NCMAP: variants seen among roughly 807,000 people sequenced by gnomAD.
NCMAP encodes the protein non-compact myelin associated protein.
In NCMAP, 8 loss-of-function variants were observed where a neutral mutation model predicts 7.8. That is an observed-to-expected ratio of 1.02 (90% CI 0.60 to 1.84). NCMAP has a LOEUF of 1.84. Among genes scored for constraint, NCMAP ranks in the 40% most tolerant of loss-of-function variants. The pLI, the probability that NCMAP is intolerant of heterozygous loss-of-function variation, is 0.00. For synonymous variants in NCMAP, 41 were observed against 52.9 expected (o/e 0.78, Z 0.98); for missense variants, 112 against 131.4 (o/e 0.85, Z 0.72).
chr1:24,603,210 A>AT (rs55950272), intron 3 of NCMAP, among the ~76,000 whole-genome samples: 5,331 of 152,110 alleles, frequency 0.035, 146 homozygotes, highest in Middle Eastern at 0.11. Flanking sequence ...ATTATCCTCA[A>AT]TTTTGTAGGT....
chr1:24,563,260 G>A lies in NCMAP; in HGVS notation c.-8+7091G>A, dbSNP rs568543808. Among the ~76,000 whole-genome samples the A allele has an allele frequency of 1.9e-4, 28 of 151,060 alleles. No individual in the cohort carries two copies. In the South Asian group the frequency reaches 4.8e-3, roughly 26 times the overall value. On this transcript the variant is annotated intron_variant, in intron 1 of 3. Transcript: ENST00000374392. ...GACTTGGCCGGGCAAGGTGGCTTGC[G>A]CCTGTAATCCCAGCAATTTGGGAGG... is the stretch of plus-strand genomic sequence containing the variant.
intron 1 of NCMAP, among the ~76,000 whole-genome samples, chr1:24,558,006 C>G (rs915444499): frequency 6.6e-6 from 1 of 152,174 alleles, no homozygotes; most frequent in African/African-American, 2.4e-5. Context: ...GGAGCTGTGT[C>G]CTTGAGGTAG....
chr1:24,605,509 C>T (rs1398457565), intron 3 of NCMAP, 97 bp from the exon 4 acceptor site: 7 of 1,363,826 alleles, frequency 5.1e-6, no homozygotes, highest in Non-Finnish European at 7.1e-6. Flanking sequence ...CTACATTAAT[C>T]TACATTAATC....
At chr1:24,565,236 A>G (rs1218995303) in intron 1 of NCMAP, among the ~76,000 whole-genome samples, 1 of 151,568 alleles carries the variant, frequency 6.6e-6, no homozygotes, top group African/African-American at 2.4e-5. Flanking sequence ...TGCCATAACC[A>G]GGAAAGTGGA....
chr1:24,588,002 AAGAG>A (rs1276814962), intron 1 of NCMAP, among the ~76,000 whole-genome samples: 1 of 152,052 alleles, frequency 6.6e-6, no homozygotes, highest in Non-Finnish European at 1.5e-5. Flanking sequence ...AGGCAAAAGA[AAGAG>A]AAAGAAACAG....
chr1:24,601,998 G>T (rs1327549787), intron 3 of NCMAP, among the ~76,000 whole-genome samples: 2 of 150,688 alleles, frequency 1.3e-5, no homozygotes, highest in African/African-American at 2.5e-5. Flanking sequence ...CCGAGATCGC[G>T]CCACTGCACT....
At chr1:24,562,827 G>A (rs1289424855) in intron 1 of NCMAP, among the ~76,000 whole-genome samples, 1 of 152,196 alleles carries the variant, frequency 6.6e-6, no homozygotes, top group African/African-American at 2.4e-5. Flanking sequence ...ACCTCCTGCT[G>A]AGCCTGCTTC....
chr1:24,601,018 AC>A lies in NCMAP; in HGVS notation c.162del (p.Tyr54Ter). 1 of 1,613,762 alleles carries A rather than the reference AC, an allele frequency of 6.2e-7. No homozygotes were observed. Among genetic ancestry groups the A allele is most frequent in the South Asian group, 1.1e-5 (1 of 91,070 alleles). The stretch of plus-strand genomic sequence containing the variant: ...GTGGTTCTGATCCTGCTGAAGATGT[AC>A]AACAGGTACGGATGCCCTGGGCTTT... ...FTVVLILLKM[Y>X]NRKMRTRREL... On this transcript the variant is annotated frameshift_variant, in exon 3 of 4. Coordinates refer to ENST00000374392, the MANE Select transcript of NCMAP (RefSeq NM_001010980.5). LOFTEE classifies it high-confidence loss of function.
At chr1:24,561,165 T>C (rs1651037153) in intron 1 of NCMAP, among the ~76,000 whole-genome samples, 1 of 115,428 alleles carries the variant, frequency 8.7e-6, no homozygotes, top group African/African-American at 3.6e-5. Flanking sequence ...AAACACCATC[T>C]CTACTAAAAA....
chr1:24,570,025 C>T (rs1384178490), intron 1 of NCMAP, among the ~76,000 whole-genome samples: 1 of 150,284 alleles, frequency 6.7e-6, no homozygotes, highest in Non-Finnish European at 1.5e-5. Context: ...TCACTGCTCA[C>T]TGCAGCCTTG....
At position 24,576,743 on chromosome 1, in the gene NCMAP, C is replaced by A. The variant is rs1291733629; in HGVS notation, c.-7-18681C>A. 6.6e-6 allele frequency among the ~76,000 whole-genome samples: 1 copy of A among 152,148 alleles called. No homozygotes were observed. Among genetic ancestry groups the A allele is most frequent in the African/African-American group, 2.4e-5 (1 of 41,426 alleles). On this transcript the variant is annotated intron_variant, in intron 1 of 3. Coordinates refer to ENST00000374392, the MANE Select transcript of NCMAP (RefSeq NM_001010980.5). This position sits in a 1 kb window ranked among gnomAD's most constrained non-coding sequence, Gnocchi z 4.0. The stretch of plus-strand genomic sequence containing the variant: ...AACTCCAGCCCAGGGTTCTTGCCCC[C>A]CATCTCAGGCCTCTCTGTTGGAGTT...
chr1:24,561,328 C>A (rs1402330826), intron 1 of NCMAP, among the ~76,000 whole-genome samples: 1 of 151,888 alleles, frequency 6.6e-6, no homozygotes, highest in African/African-American at 2.4e-5. Context: ...GCCTGGGTGA[C>A]AAGAGTGAAA....
At chr1:24,562,854 G>A (rs144256435) in intron 1 of NCMAP, among the ~76,000 whole-genome samples, 7 of 152,314 alleles carry the variant, frequency 4.6e-5, no homozygotes, top group African/African-American at 1.7e-4. Context: ...GGAACTTAAA[G>A]GTGAACTTGG....
chr1:24,569,511 G>T (rs935087377), intron 1 of NCMAP, among the ~76,000 whole-genome samples: 3 of 150,392 alleles, frequency 2.0e-5, no homozygotes, highest in Admixed American at 1.3e-4. Context: ...CCAGTCAAAT[G>T]ATAATAGTAA....
intron 1 of NCMAP, among the ~76,000 whole-genome samples, chr1:24,590,403 A>C (rs566239994): frequency 6.6e-6 from 1 of 152,158 alleles, no homozygotes; most frequent in African/African-American, 2.4e-5. Context: ...AAGGAATTGT[A>C]TGAAAGCCTC....
chr1:24,605,934 C>T lies in NCMAP; in HGVS notation c.*187C>T. On this transcript the variant is annotated 3_prime_UTR_variant, in exon 4 of 4. Coordinates refer to ENST00000374392, the MANE Select transcript of NCMAP (RefSeq NM_001010980.5). The stretch of plus-strand genomic sequence containing the variant: ...CTGCCCTGCCCTACCCCAACTGTGT[C>T]CACATCCCTGCCGCCACCCCACCAA... The T allele has an allele frequency of 1.6e-6, 1 of 624,004 alleles. No homozygotes were observed. Among genetic ancestry groups the T allele is most frequent in the Non-Finnish European group, 2.7e-6 (1 of 376,144 alleles). The allele number at this position is 624,004 out of a possible 1,614,324, so 38.7% of individuals were successfully genotyped here.
chr1:24,572,444 G>A (rs967071386), intron 1 of NCMAP, among the ~76,000 whole-genome samples: 3 of 150,650 alleles, frequency 2.0e-5, no homozygotes, highest in Admixed American at 6.6e-5. Context: ...CTGGGGCTGA[G>A]CTCGGCACCT....
intron 3 of NCMAP, among the ~76,000 whole-genome samples, chr1:24,602,322 C>CTGCTAGGTGTGGTGGCT (rs1652528354): frequency 6.6e-5 from 9 of 137,048 alleles, no homozygotes; most frequent in African/African-American, 2.6e-4. Flanking sequence ...TGAATATTAT[C>CTGCTAGGTGTGGTGGCT]CTGTAATCCC....
chr1:24,604,600 A>C (rs1652633908), intron 3 of NCMAP, among the ~76,000 whole-genome samples: 1 of 54,404 alleles, frequency 1.8e-5, no homozygotes, highest in African/African-American at 1.4e-4. Context: ...AAAAAAAAAA[A>C]AAAAAATATA....
Sources: gnomAD v4.1 joint callset for allele counts (sites outside exome capture counted in the v4.1 genomes callset) on GRCh38, gnomAD v4.1.1 for gene constraint, Gnocchi (gnomAD v3.1) non-coding constraint, MANE v1.5 for transcripts, NCBI Gene and HGNC (gene_info 2026-07-23, HGNC 2026-07-21) for gene names.